FCAR: variants seen among roughly 807,000 people sequenced by gnomAD.
FCAR encodes Fc alpha receptor.
FCAR carries 21 observed loss-of-function variants against 27.1 expected under a neutral mutation model. That is an observed-to-expected ratio of 0.77 (90% CI 0.55 to 1.11). The LOEUF is 1.11. Ranked by LOEUF, FCAR falls within the 50% of genes most tolerant of loss-of-function variation. The pLI, the probability that FCAR is intolerant of heterozygous loss-of-function variation, is 0.00. For synonymous variants in FCAR, 134 were observed against 135.8 expected (o/e 0.99, Z 0.09); for missense variants, 404 against 358.4 (o/e 1.13, Z -1.03).
rs779043431 is a variant in FCAR, at chr19:54,885,456, T to A, written c.292T>A (p.Tyr98Asn). The A allele has an allele frequency of 2.5e-6, 4 of 1,613,646 alleles. No homozygotes were observed. Among genetic ancestry groups the A allele is most frequent in the Non-Finnish European group, 3.4e-6 (4 of 1,179,692 alleles). Residue 98 changes from tyrosine (Y) to asparagine (N), a missense_variant, in exon 3 of 5, where the codon TAT becomes AAT. Transcript: ENST00000355524. ...DHMDANKAGRYQCQYRIGHYR... is the reference protein window; with the variant it reads ...DHMDANKAGRNQCQYRIGHYR... The stretch of plus-strand genomic sequence containing the variant: ...CATGGACGCAAACAAGGCAGGGCGC[T>A]ATCAGTGCCAATATAGGATAGGGCA...
At chr19:54,885,159 T>C (rs978538600) in intron 2 of FCAR, 76 bp from the exon 3 acceptor site, 6 of 1,326,180 alleles carry the variant, frequency 4.5e-6, no homozygotes, top group Non-Finnish European at 6.2e-6. Context: ...AATGTATTTT[T>C]ACTTCTCCCA....
At chr19:54,881,935 A>C (rs2066447312) in intron 2 of FCAR, among the ~76,000 whole-genome samples, 1 of 150,408 alleles carries the variant, frequency 6.6e-6, no homozygotes, top group Non-Finnish European at 1.5e-5. Context: ...AAATAAATTG[A>C]AGCATGAATG....
chr19:54,886,406 C>T (rs1040074999), intron 3 of FCAR, among the ~76,000 whole-genome samples: 2 of 146,240 alleles, frequency 1.4e-5, no homozygotes, highest in African/African-American at 5.0e-5. Context: ...CTCCCGGGTT[C>T]ACGCCATTCT....
intron 3 of FCAR, among the ~76,000 whole-genome samples, chr19:54,887,011 C>G: frequency 1.4e-5 from 1 of 71,854 alleles, no homozygotes; most frequent in African/African-American, 4.2e-5. Flanking sequence ...GTGGCTCGTG[C>G]CTGTAATCCC....
chr19:54,876,765 A>C (rs1158022451), intron 2 of FCAR, among the ~76,000 whole-genome samples: 2 of 152,064 alleles, frequency 1.3e-5, no homozygotes, highest in Non-Finnish European at 2.9e-5. Context: ...TAAAAAACAC[A>C]AAAAAATTAG....
At chr19:54,882,436 C>CTTTTT (rs750724425) in intron 2 of FCAR, among the ~76,000 whole-genome samples, 4 of 104,344 alleles carry the variant, frequency 3.8e-5, no homozygotes, top group African/African-American at 1.2e-4. Flanking sequence ...TTTTTTTTTT[C>CTTTTT]TTTTTTTTTT....
rs587611742 is a variant in FCAR, at chr19:54,885,109, A to T, written c.71-126A>T. 4.6e-4 allele frequency: 398 copies of T among 870,598 alleles called. 4 individuals carry two copies. In the South Asian group the frequency reaches 6.6e-3, roughly 14 times the overall value. The allele number at this position is 870,598 out of a possible 1,614,324, so 53.9% of individuals were successfully genotyped here. ...GCGTGAGCTACCGCACCCGGCCTAA[A>T]TTTTTTTTTAAATAAAGAATGGTAG... On this transcript the variant is annotated intron_variant, in intron 2 of 4. Transcript: ENST00000355524.
rs1347087412 is a variant in FCAR, at chr19:54,890,072, G to A, written c.*209G>A. 2.9e-5 allele frequency: 17 copies of A among 586,242 alleles called. No individual in the cohort carries two copies. Among genetic ancestry groups the A allele is most frequent in the Non-Finnish European group, 5.2e-5 (17 of 329,528 alleles). 36.3% of individuals were successfully genotyped at this position (586,242 alleles called of 1,614,324 possible). On this transcript the variant is annotated 3_prime_UTR_variant, in exon 5 of 5. Coordinates refer to ENST00000355524, the MANE Select transcript of FCAR (RefSeq NM_002000.4). ...GGGTTCAAGTGATTCTTGTGCCTCA[G>A]CCTCCCAAGTAGCTGGAATTACAGG... is the stretch of plus-strand genomic sequence containing the variant.
At chr19:54,888,633 C>T (rs1157333231) in intron 4 of FCAR, 7 of 686,792 alleles carry the variant, frequency 1.0e-5, no homozygotes, top group Non-Finnish European at 1.3e-5. Context: ...CTGCAACCTT[C>T]GCCTCCCAGG....
intron 3 of FCAR, 93 bp from the exon 4 acceptor site, chr19:54,887,914 T>G: frequency 2.9e-6 from 3 of 1,046,154 alleles, no homozygotes; most frequent in Non-Finnish European, 4.0e-6. Flanking sequence ...CGAAACTCCA[T>G]CTCAAAAAAA....
chr19:54,878,680 C>T (rs1450385432), intron 2 of FCAR, among the ~76,000 whole-genome samples: 1 of 151,166 alleles, frequency 6.6e-6, no homozygotes, highest in African/African-American at 2.4e-5. Flanking sequence ...GATTTAATGC[C>T]CTTCTTTGCC....
rs1263335192 is a variant in FCAR at position 54,888,290 on chromosome 19, C to A, written c.645C>A (p.Val215=). ...SFPSNALELV[V]TDSIHQDYTT... The stretch of plus-strand genomic sequence containing the variant: ...CCAGTAATGCCTTGGAGCTTGTGGT[C>A]ACAGGTAGGTACCGCCCAGTCCAGC... Residue 215 remains valine (V), a synonymous_variant, in exon 4 of 5, where the codon GTC becomes GTA. Transcript: ENST00000355524. 1 of 1,613,852 alleles carries A rather than the reference C, an allele frequency of 6.2e-7. No individual in the cohort carries two copies. Among genetic ancestry groups the A allele is most frequent in the South Asian group, 1.1e-5 (1 of 90,988 alleles).
chr19:54,876,671 G>A (rs1433223107), intron 2 of FCAR, among the ~76,000 whole-genome samples: 1 of 152,104 alleles, frequency 6.6e-6, no homozygotes, highest in African/African-American at 2.4e-5. Flanking sequence ...TGTAATCCCA[G>A]CACTTTGGGA....
In FCAR at chr19:54,885,488, G is replaced by C. The variant is rs1865096; in HGVS notation, c.324G>C (p.Arg108Ser). The change falls in exon 3 of 5, where the codon AGG becomes AGC. Residue 108 changes from arginine to serine, a missense_variant. Arg to Ser is a moderately radical substitution (Grantham distance 110). Coordinates refer to ENST00000355524, the MANE Select transcript of FCAR (RefSeq NM_002000.4). ...YQCQYRIGHYRFRYSDTLELV... is the reference protein window; with the variant it reads ...YQCQYRIGHYSFRYSDTLELV... The stretch of plus-strand genomic sequence containing the variant: ...GCCAATATAGGATAGGGCACTACAG[G>C]TTCCGGTACAGTGACACCCTGGAGC... 1.2e-6 allele frequency: 2 copies of C among 1,613,194 alleles called. No individual in the cohort carries two copies. The highest frequency in any genetic ancestry group is 1.7e-6 in the Non-Finnish European group (2 of 1,179,296).
At position 54,891,116 on chromosome 19, in the gene FCAR, G is replaced by C. The variant is rs1244469053; in HGVS notation, c.*1253G>C. 1.3e-5 allele frequency: 2 copies of C among 152,008 alleles called. No individual in the cohort carries two copies. The highest frequency in any genetic ancestry group is 1.5e-5 in the Non-Finnish European group (1 of 68,008). 9.4% of individuals were successfully genotyped at this position (152,008 alleles called of 1,614,324 possible). A position where few individuals can be genotyped will look rare whatever the true frequency, so the allele number is the denominator to read the frequency against. On this transcript the variant is annotated 3_prime_UTR_variant, in exon 5 of 5. Coordinates refer to ENST00000355524, the MANE Select transcript of FCAR (RefSeq NM_002000.4). ...AAATTCTTGTGTACAAAACTCAAAT[G>C]GTCTTCCAAATAATTCCCCATTCTT...
chr19:54,886,319 T>G (rs1425615315), intron 3 of FCAR, among the ~76,000 whole-genome samples: 1 of 139,102 alleles, frequency 7.2e-6, no homozygotes, highest in Non-Finnish European at 1.6e-5. Flanking sequence ...TTTTTTTTTT[T>G]TTTTTGAGAT....
At chr19:54,885,668 TC>T in intron 3 of FCAR, 143 bp downstream of exon 3, 1 of 620,976 alleles carries the variant, frequency 1.6e-6, no homozygotes, top group Admixed American at 2.9e-5. Flanking sequence ...GCACCCCACT[TC>T]CCCCAGAGTT....
At position 54,888,080 on chromosome 19, in the gene FCAR, G is replaced by A. The variant is rs758013444; in HGVS notation, c.435G>A (p.Thr145=). The A allele has an allele frequency of 7.4e-6, 12 of 1,613,858 alleles. No homozygotes were observed. Among genetic ancestry groups the A allele is most frequent in the East Asian group, 4.5e-5 (2 of 44,894 alleles). The part of the protein sequence containing the change: ...VLMPGENISL[T]CSSAHIPFDR... ...TGCCAGGAGAGAATATTTCCCTCAC[G>A]TGCAGCTCAGCACACATCCCATTTG... Residue 145 remains threonine, a synonymous_variant, in exon 4 of 5, where the codon ACG becomes ACA. Coordinates refer to ENST00000355524, the MANE Select transcript of FCAR (RefSeq NM_002000.4).
At chr19:54,885,189 C>T in intron 2 of FCAR, 46 bp from the exon 3 acceptor site, 1 of 1,530,462 alleles carries the variant, frequency 6.5e-7, no homozygotes, top group African/African-American at 1.4e-5. Flanking sequence ...AAAGGAATGG[C>T]TTCCCCATGG....
Sources: allele counts gnomAD v4.1 joint callset (sites outside exome capture counted in the v4.1 genomes callset), GRCh38; gene constraint gnomAD v4.1.1; transcripts MANE v1.5; gene names NCBI Gene and HGNC (gene_info 2026-07-23, HGNC 2026-07-21).